Variants in ASIC2 observed in about 807,000 individuals in gnomAD.
ASIC2 encodes acid-sensing ion channel 2.
Under a neutral mutation model 57.3 loss-of-function variants are expected in ASIC2, and 25 were observed. The observed-to-expected ratio is 0.44, with a 90% CI of 0.32 to 0.61. The LOEUF (loss-of-function observed/expected upper bound fraction) is 0.61. ASIC2 is among the 20% of genes least tolerant of loss of function. ASIC2 has a pLI of 0.06. For synonymous variants in ASIC2, 319 were observed against 307.5 expected (o/e 1.04, Z -0.39); for missense variants, 641 against 738.1 (o/e 0.87, Z 1.52).
At chr17:34,142,422 A>G (rs1359194836) in intron 1 of ASIC2, among the ~76,000 whole-genome samples, 1 of 152,220 alleles carries the variant, frequency 6.6e-6, no homozygotes, top group East Asian at 1.9e-4. Context: ...GGTGGGGATG[A>G]CAAGAGAGAG....
At chr17:33,576,428 C>T (rs568379216) in intron 1 of ASIC2, among the ~76,000 whole-genome samples, 9 of 152,308 alleles carry the variant, frequency 5.9e-5, no homozygotes, top group African/African-American at 2.2e-4. Flanking sequence ...ATAGCAGGCA[C>T]CCTCATTCCC....
intron 1 of ASIC2, among the ~76,000 whole-genome samples, chr17:33,390,960 T>C (rs1458341928): frequency 1.3e-5 from 2 of 152,346 alleles, no homozygotes; most frequent in Non-Finnish European, 2.9e-5. Flanking sequence ...ACTGGAGCTG[T>C]CTGAGAGGCT....
At chr17:33,426,020 C>G (rs574425560) in intron 1 of ASIC2, among the ~76,000 whole-genome samples, 3 of 152,254 alleles carry the variant, frequency 2.0e-5, no homozygotes, top group Admixed American at 2.0e-4. Context: ...CACTTCTGCT[C>G]CTCCTGTGTT....
intron 1 of ASIC2, among the ~76,000 whole-genome samples, chr17:33,592,989 CAG>C (rs1470671390): frequency 5.3e-5 from 8 of 152,188 alleles, no homozygotes; most frequent in Non-Finnish European, 8.8e-5. Context: ...GGGAGAGTTT[CAG>C]AGAGTTCATA....
intron 1 of ASIC2, among the ~76,000 whole-genome samples, chr17:33,274,959 T>C (rs1904645735): frequency 6.6e-6 from 1 of 152,084 alleles, no homozygotes; most frequent in Non-Finnish European, 1.5e-5. Context: ...CCCTAGTACC[T>C]GAGGACAGAC....
chr17:33,417,478 T>G (rs75910402), intron 1 of ASIC2, among the ~76,000 whole-genome samples: 1 of 152,162 alleles, frequency 6.6e-6, no homozygotes, highest in Non-Finnish European at 1.5e-5. Flanking sequence ...ATACATTCAT[T>G]GCTCTTCTCC....
chr17:33,870,951 G>T (rs1914388399), intron 1 of ASIC2, among the ~76,000 whole-genome samples: 1 of 152,216 alleles, frequency 6.6e-6, no homozygotes, highest in Non-Finnish European at 1.5e-5. Context: ...CTTGCAAACT[G>T]TCCTGAATGC....
intron 1 of ASIC2, among the ~76,000 whole-genome samples, chr17:33,194,669 TTGGGAAATCAATCTGTTATTCCC>T (rs1906557725): frequency 4.5e-5 from 1 of 22,316 alleles, no homozygotes; most frequent in Admixed American, 4.9e-4. Context: ...TATTCCCAGA[TTGGGAAATCAATCTGTTATTCCC>T]AGATTGGGAA....
At chr17:33,904,682 A>G (rs1238159837) in intron 1 of ASIC2, among the ~76,000 whole-genome samples, 2 of 152,180 alleles carry the variant, frequency 1.3e-5, no homozygotes, top group Non-Finnish European at 2.9e-5. Context: ...GTTCACTATG[A>G]TAAGTTAGAA....
At chr17:34,021,837 G>GT (rs11394863) in intron 1 of ASIC2, among the ~76,000 whole-genome samples, 27,614 of 118,004 alleles carry the variant, frequency 0.23, 3,976 homozygotes, top group African/African-American at 0.35. Context: ...GTTTTGTTTT[G>GT]TTTTTTTTTT....
At chr17:33,571,354 G>T (rs1916433277) in intron 1 of ASIC2, among the ~76,000 whole-genome samples, 1 of 152,148 alleles carries the variant, frequency 6.6e-6, no homozygotes, top group Admixed American at 6.5e-5. Flanking sequence ...CTTGTGCATT[G>T]CCTGTTTTCC....
intron 1 of ASIC2, among the ~76,000 whole-genome samples, chr17:33,479,322 G>A (rs1012418209): frequency 6.6e-6 from 1 of 152,092 alleles, no homozygotes; most frequent in Non-Finnish European, 1.5e-5. Flanking sequence ...AAAACCATGT[G>A]TTGAGCTGTT....
At chr17:33,044,305 A>T (rs372386105) in intron 3 of ASIC2, among the ~76,000 whole-genome samples, 7 of 139,286 alleles carry the variant, frequency 5.0e-5, no homozygotes, top group Admixed American at 1.4e-4. Flanking sequence ...CATCCATCCA[A>T]CCATCCATCC....
At chr17:33,430,492 C>T (rs1012432013) in intron 1 of ASIC2, among the ~76,000 whole-genome samples, 24 of 152,230 alleles carry the variant, frequency 1.6e-4, no homozygotes, top group African/African-American at 5.3e-4. Flanking sequence ...ACTGACCCTA[C>T]GATAGGAGTC....
At position 33,385,502 on chromosome 17, in the gene ASIC2, C is replaced by T. The variant is rs560717733; in HGVS notation, c.556-273435G>A. Among the ~76,000 whole-genome samples, 24 of 152,372 alleles carry T rather than the reference C, an allele frequency of 1.6e-4. No individual in the cohort carries two copies. The South Asian group carries it at 4.6e-3, about 29-fold the overall frequency. On this transcript the variant is annotated intron_variant, in intron 1 of 9. Transcript: ENST00000359872. ...ATTTCAGGGGTAAGCTGTTCTCTCA[C>T]ATGCCTTGCATTTTAACAACTTTCA...
At chr17:33,743,305 A>G (rs1910164287) in intron 1 of ASIC2, among the ~76,000 whole-genome samples, 2 of 152,270 alleles carry the variant, frequency 1.3e-5, no homozygotes, top group African/African-American at 4.8e-5. Context: ...CACTTGAGCC[A>G]CAACTTGCTC....
At chr17:33,581,422 C>T (rs538621514) in intron 1 of ASIC2, 1 of 152,280 alleles carries the variant, frequency 6.6e-6, no homozygotes, top group South Asian at 2.1e-4. Context: ...ACTATGACAT[C>T]AAAGAGCCCA....
chr17:33,415,935 G>C (rs1297839022), intron 1 of ASIC2, among the ~76,000 whole-genome samples: 1 of 152,188 alleles, frequency 6.6e-6, no homozygotes, highest in East Asian at 1.9e-4. Context: ...GTGGCATTGA[G>C]CTGCATTCAA....
intron 1 of ASIC2, among the ~76,000 whole-genome samples, chr17:33,556,755 T>C (rs1915920251): frequency 6.6e-6 from 1 of 152,204 alleles, no homozygotes; most frequent in South Asian, 2.1e-4. Context: ...TAGCCAGTGA[T>C]GACTATGATG....
Sources: gnomAD v4.1 joint callset for allele counts (sites outside exome capture counted in the v4.1 genomes callset) on GRCh38, gnomAD v4.1.1 for gene constraint, MANE v1.5 for transcripts, NCBI Gene and HGNC (gene_info 2026-07-23, HGNC 2026-07-21) for gene names.